ZNF254: variants seen among roughly 807,000 people sequenced by gnomAD.
ZNF254 encodes zinc finger protein 254, also known as CTD-2017D11.1.
A neutral mutation model predicts 12.4 loss-of-function variants in ZNF254; 10 were observed. That is an observed-to-expected ratio of 0.80 (90% CI 0.50 to 1.36). ZNF254 has a LOEUF of 1.36. Among genes scored for constraint, ZNF254 ranks in the 40% most tolerant of loss-of-function variants. The pLI is 0.00. For synonymous variants in ZNF254, 305 were observed against 253.4 expected, an observed-to-expected ratio of 1.20 and a Z score of -1.93; for missense variants, 996 against 763.9, an observed-to-expected ratio of 1.30 and a Z score of -3.58.
At chr19:24,042,714 TC>T (rs1237283089) in intron 1 of ZNF254, among the ~76,000 whole-genome samples, 1 of 152,206 alleles carries the variant, frequency 6.6e-6, no homozygotes, top group East Asian at 1.9e-4. Flanking sequence ...ACCTGTGTCT[TC>T]CCTACAGGTT....
At chr19:24,060,736 C>T (rs1054489281) in intron 2 of ZNF254, among the ~76,000 whole-genome samples, 5 of 152,218 alleles carry the variant, frequency 3.3e-5, no homozygotes, top group African/African-American at 1.2e-4. Flanking sequence ...GATGATATGA[C>T]TCTCCTTCCT....
rs187979729 is a variant in ZNF254, at chr19:24,101,946, C to T, written c.31-3994C>T. On this transcript the variant is annotated intron_variant, in intron 1 of 3. Transcript: ENST00000357002. The stretch of plus-strand genomic sequence containing the variant: ...ACCCAGATGAGAGTTTCTCCAGTTC[C>T]CTGGTACTTGGGTAAAAACAAGGAG... Among the ~76,000 whole-genome samples the T allele has an allele frequency of 1.0e-3, 155 of 152,270 alleles. 3 individuals are homozygous for T. Among genetic ancestry groups the T allele is most frequent in the South Asian group, 1.0e-3 (5 of 4,828 alleles).
intron 1 of ZNF254, among the ~76,000 whole-genome samples, chr19:24,037,785 T>C (rs1178125275): frequency 2.0e-5 from 3 of 152,134 alleles, no homozygotes; most frequent in Non-Finnish European, 4.4e-5. Flanking sequence ...AATTTTGTAT[T>C]TTTCATAGAG....
At chr19:24,065,711 G>A (rs1971246080) in intron 2 of ZNF254, 1 of 152,050 alleles carries the variant, frequency 6.6e-6, no homozygotes, top group Non-Finnish European at 1.5e-5. Flanking sequence ...TTTTTTTGTG[G>A]GAGGGATCCT....
intron 3 of ZNF254, among the ~76,000 whole-genome samples, chr19:24,115,844 T>G (rs1158791400): frequency 6.6e-6 from 1 of 152,148 alleles, no homozygotes; most frequent in Non-Finnish European, 1.5e-5. Context: ...CGGTTGTTCC[T>G]TTCTGTGTTT....
chr19:24,122,189 G>T (rs543135176), intron 3 of ZNF254, among the ~76,000 whole-genome samples: 12 of 152,058 alleles, frequency 7.9e-5, no homozygotes, highest in Non-Finnish European at 1.8e-4. Context: ...ATCTTGCAAA[G>T]CTAAATCTTA....
upstream of ZNF254, among the ~76,000 whole-genome samples, chr19:24,084,243 A>G (rs547342870): frequency 4.9e-4 from 73 of 150,366 alleles, no homozygotes; most frequent in African/African-American, 1.7e-3. Flanking sequence ...ATAAAATAAT[A>G]GCACTTGCAG....
chr19:24,106,713 A>C, intron 3 of ZNF254, 70 bp downstream of exon 3: 1 of 1,316,560 alleles, frequency 7.6e-7, no homozygotes, highest in Non-Finnish European at 1.0e-6. Context: ...CCACTCTTTA[A>C]AGTGATTTAA....
intron 2 of ZNF254, among the ~76,000 whole-genome samples, chr19:24,077,000 G>A (rs913989146): frequency 6.6e-6 from 1 of 152,154 alleles, no homozygotes; most frequent in African/African-American, 2.4e-5. Flanking sequence ...ATAGATGACA[G>A]ACAGAACTCA....
At chr19:24,086,544 C>G (rs563607829), upstream of ZNF254, among the ~76,000 whole-genome samples, 1 of 151,902 alleles carries the variant, frequency 6.6e-6, no homozygotes, top group South Asian at 2.1e-4. Flanking sequence ...ATGACGCGAT[C>G]CACGCTCACT....
intron 2 of ZNF254, among the ~76,000 whole-genome samples, chr19:24,068,104 A>G (rs1291036746): frequency 6.6e-6 from 1 of 152,198 alleles, no homozygotes; most frequent in Non-Finnish European, 1.5e-5. Flanking sequence ...GCCTCGTGAC[A>G]TATTTTGGCA....
chr19:24,049,196 ATATATATATATATATATATT>A (rs1970531154), intron 2 of ZNF254, among the ~76,000 whole-genome samples: 1 of 57,712 alleles, frequency 1.7e-5, no homozygotes, highest in Non-Finnish European at 3.3e-5. Context: ...ATATATATAT[ATATATATATATATATATATT>A]TTTTTTTTTT....
chr19:24,043,710 ATTTC>A (rs1236896014), intron 1 of ZNF254, among the ~76,000 whole-genome samples: 1 of 150,942 alleles, frequency 6.6e-6, no homozygotes, highest in Non-Finnish European at 1.5e-5. Flanking sequence ...AATTTAAAAT[ATTTC>A]TTCATTTAAA....
intron 3 of ZNF254, among the ~76,000 whole-genome samples, chr19:24,119,838 T>C (rs1974358175): frequency 6.6e-6 from 1 of 152,100 alleles, no homozygotes; most frequent in Non-Finnish European, 1.5e-5. Context: ...ACTAGTTTTA[T>C]TGCTATTGTT....
intron 3 of ZNF254, among the ~76,000 whole-genome samples, chr19:24,123,084 TTTGAAAAACATTCA>T (rs1311020269): frequency 1.2e-4 from 19 of 152,328 alleles, no homozygotes; most frequent in African/African-American, 4.3e-4. Flanking sequence ...CAGTGAGAAA[TTTGAAAAACATTCA>T]TTAAGTCTGT....
rs191717041 is a variant in ZNF254 at position 24,119,222 on chromosome 19, C to T, written c.254-7032C>T. ...TTTTATTTTTTTTGAGATGAAGTCTCACTCTGTCACCCAGGCCAGAGTGCA... is the reference window on the plus strand; with the variant it reads ...TTTTATTTTTTTTGAGATGAAGTCTTACTCTGTCACCCAGGCCAGAGTGCA... On this transcript the variant is annotated intron_variant, in intron 3 of 3. Transcript: ENST00000357002. Among the ~76,000 whole-genome samples the T allele has an allele frequency of 6.6e-5, 10 of 151,248 alleles. 1 individual carries two copies. In the Admixed American group the frequency reaches 6.9e-4, roughly 10 times the overall value.
At chr19:24,092,511 G>A (rs1657950175) in intron 1 of ZNF254, among the ~76,000 whole-genome samples, 2 of 152,112 alleles carry the variant, frequency 1.3e-5, no homozygotes, top group South Asian at 4.2e-4. Flanking sequence ...ACGTACCTGG[G>A]ACTACAGGCA....
intron 2 of ZNF254, among the ~76,000 whole-genome samples, chr19:24,073,222 A>C (rs568526665): frequency 6.6e-6 from 1 of 152,324 alleles, no homozygotes; most frequent in African/African-American, 2.4e-5. Flanking sequence ...CCCACTGGAG[A>C]GATCCTGAAT....
At chr19:24,045,904 GA>G (rs962835169) in intron 1 of ZNF254, among the ~76,000 whole-genome samples, 12 of 149,088 alleles carry the variant, frequency 8.0e-5, no homozygotes, top group Admixed American at 3.4e-4. Context: ...TTGCTTTCAG[GA>G]AAAAAAAAAT....
Sources: gnomAD v4.1 joint callset for allele counts (sites outside exome capture counted in the v4.1 genomes callset) on GRCh38, gnomAD v4.1.1 for gene constraint, MANE v1.5 for transcripts, NCBI Gene and HGNC (gene_info 2026-07-23, HGNC 2026-07-21) for gene names.